Variants in FAM81A observed in about 807,000 individuals in gnomAD.
The protein encoded by FAM81A is family with sequence similarity 81 member A.
FAM81A carries 19 observed loss-of-function variants against 46.7 expected under a neutral mutation model. The observed-to-expected ratio is 0.41, with a 90% CI of 0.28 to 0.60. The LOEUF is 0.60. Among genes scored for constraint, FAM81A ranks in the 20% least tolerant of loss-of-function variants. The probability of loss-of-function intolerance (pLI) is 0.34; values close to 1 mark genes in which losing one functional copy is unlikely to be tolerated. For missense variants in FAM81A, 377 were observed against 453.5 expected, an observed-to-expected ratio of 0.83 and a Z score of 1.53; for synonymous variants, 183 against 152.9, an observed-to-expected ratio of 1.20 and a Z score of -1.45.
chr15:59,445,625 C>T (rs1187025244), intron 1 of FAM81A: 1 of 152,176 alleles, frequency 6.6e-6, no homozygotes, highest in African/African-American at 2.4e-5. Context: ...AGACTGGAGA[C>T]TGGATCTTTC....
At chr15:59,480,228 G>C (rs1307104836) in intron 3 of FAM81A, among the ~76,000 whole-genome samples, 1 of 152,198 alleles carries the variant, frequency 6.6e-6, no homozygotes, top group African/African-American at 2.4e-5. Context: ...ATAATTCGCT[G>C]CTCTGCTGTA....
chr15:59,499,796 C>T (rs566477782), intron 4 of FAM81A, among the ~76,000 whole-genome samples: 15 of 151,420 alleles, frequency 9.9e-5, no homozygotes, highest in Admixed American at 6.6e-4. Context: ...TTCTAGTTCC[C>T]TTGTATGTGA....
chr15:59,480,000 G>A (rs1164632092), intron 3 of FAM81A, among the ~76,000 whole-genome samples: 1 of 152,166 alleles, frequency 6.6e-6, no homozygotes, highest in African/African-American at 2.4e-5. Flanking sequence ...ATTGAAGCAG[G>A]GAGTCAAGTT....
intron 1 of FAM81A, chr15:59,401,369 A>G: frequency 2.5e-6 from 2 of 788,600 alleles, no homozygotes; most frequent in South Asian, 1.3e-5. Context: ...AATAACACCC[A>G]AAGTTGTATA....
At chr15:59,488,187 C>T (rs1189753199) in intron 3 of FAM81A, among the ~76,000 whole-genome samples, 2 of 152,014 alleles carry the variant, frequency 1.3e-5, no homozygotes, top group African/African-American at 2.4e-5. Context: ...TCATATCAAC[C>T]GATGCTGAAA....
intron 3 of FAM81A, among the ~76,000 whole-genome samples, chr15:59,464,660 T>A (rs2081591385): frequency 6.6e-6 from 1 of 152,150 alleles, no homozygotes; most frequent in Non-Finnish European, 1.5e-5. Context: ...TTTAAAAAAT[T>A]GGATATTTTT....
At chr15:59,519,518 C>G (rs1214024919) in intron 8 of FAM81A, among the ~76,000 whole-genome samples, 1 of 137,924 alleles carries the variant, frequency 7.3e-6, no homozygotes, top group African/African-American at 2.6e-5. Flanking sequence ...TTCTCTCTTT[C>G]TTTCCTTTCT....
chr15:59,504,882 T>C lies in FAM81A; in HGVS notation c.414-2331T>C, dbSNP rs116287316. ...TTACTTCTCTTTAGTCTGTAGCTTT[T>C]AAGATTTTATATTTATCATTGGTTA... On this transcript the variant is annotated intron_variant, in intron 4 of 8. Coordinates refer to ENST00000288228, the MANE Select transcript of FAM81A (RefSeq NM_152450.3). 3.7e-3 allele frequency among the ~76,000 whole-genome samples: 571 copies of C among 152,324 alleles called. 5 individuals are homozygous for C. The highest frequency in any genetic ancestry group is 0.013 in the African/African-American group (543 of 41,586).
At chr15:59,514,242 TA>T (rs2082243764) in intron 6 of FAM81A, 46 bp from the exon 7 acceptor site, 3 of 1,487,268 alleles carry the variant, frequency 2.0e-6, no homozygotes, top group East Asian at 4.9e-5. Context: ...ATAAAAAAAA[TA>T]AAAAATAAAC....
chr15:59,490,848 C>A (rs2081973009), intron 3 of FAM81A, among the ~76,000 whole-genome samples: 1 of 152,040 alleles, frequency 6.6e-6, no homozygotes, highest in African/African-American at 2.4e-5. Flanking sequence ...AGCAAACAAA[C>A]AAAACTACAA....
At chr15:59,493,325 A>G (rs2082000956) in intron 4 of FAM81A, among the ~76,000 whole-genome samples, 1 of 152,154 alleles carries the variant, frequency 6.6e-6, no homozygotes, top group African/African-American at 2.4e-5. Context: ...TGTCTATAAT[A>G]GCAGAGGGCT....
chr15:59,477,592 A>G (rs1333933356), intron 3 of FAM81A, among the ~76,000 whole-genome samples: 1 of 152,242 alleles, frequency 6.6e-6, no homozygotes, highest in Non-Finnish European at 1.5e-5. Context: ...TTTTCAAACC[A>G]TTACCCTATG....
At chr15:59,521,177 A>G (rs2082323993) in intron 8 of FAM81A, 77 bp from the exon 9 acceptor site, 1 of 1,463,900 alleles carries the variant, frequency 6.8e-7, no homozygotes, top group Non-Finnish European at 9.1e-7. Context: ...TGAATCAACC[A>G]TTACTAGATA....
chr15:59,414,066 C>G (rs1301362480), intron 2 of FAM81A, among the ~76,000 whole-genome samples: 1 of 152,106 alleles, frequency 6.6e-6, no homozygotes, highest in Non-Finnish European at 1.5e-5. Flanking sequence ...CGATTCTCTT[C>G]CAGCCTCCTG....
intron 1 of FAM81A, among the ~76,000 whole-genome samples, chr15:59,450,702 C>T (rs554066548): frequency 3.3e-5 from 5 of 152,272 alleles, no homozygotes; most frequent in South Asian, 4.1e-4. Context: ...ATATTAAGAA[C>T]AACAACAACA....
intron 2 of FAM81A, among the ~76,000 whole-genome samples, chr15:59,425,187 G>T (rs1171092113): frequency 1.3e-5 from 2 of 152,100 alleles, no homozygotes; most frequent in African/African-American, 2.4e-5. Flanking sequence ...TAAGCTCCAT[G>T]AGGGCATAGA....
chr15:59,505,139 C>G lies in FAM81A; in HGVS notation c.414-2074C>G, dbSNP rs573104477. Among the ~76,000 whole-genome samples, 7 of 152,202 alleles carry G rather than the reference C, an allele frequency of 4.6e-5. No homozygotes were observed. In the East Asian group the frequency reaches 9.6e-4, roughly 21 times the overall value. The stretch of plus-strand genomic sequence containing the variant: ...AACTATTTTTTCATGTTTTTAATCT[C>G]TGTCCACTACATTCTGAGTGAGTTC... On this transcript the variant is annotated intron_variant, in intron 4 of 8. Transcript: ENST00000288228.
At chr15:59,518,987 C>A (rs1405460547) in intron 8 of FAM81A, among the ~76,000 whole-genome samples, 1 of 150,176 alleles carries the variant, frequency 6.7e-6, no homozygotes, top group Non-Finnish European at 1.5e-5. Context: ...GGCAAGAACA[C>A]CTGAAAATGT....
At chr15:59,421,422 T>C (rs1350970332) in intron 2 of FAM81A, among the ~76,000 whole-genome samples, 2 of 152,090 alleles carry the variant, frequency 1.3e-5, no homozygotes, top group African/African-American at 4.8e-5. Flanking sequence ...ATGGGCAGCT[T>C]AGCGTATAGC....
Sources: gnomAD v4.1 joint callset for allele counts (sites outside exome capture counted in the v4.1 genomes callset) on GRCh38, gnomAD v4.1.1 for gene constraint, MANE v1.5 for transcripts, NCBI Gene and HGNC (gene_info 2026-07-23, HGNC 2026-07-21) for gene names.